The following INSYN2B variants were observed in gnomAD, a reference collection of about 807,000 sequenced individuals.
INSYN2B encodes protein INSYN2B.
A neutral mutation model predicts 41.2 loss-of-function variants in INSYN2B; 16 were observed. The observed-to-expected ratio is 0.39, with a 90% CI of 0.26 to 0.59. The LOEUF (loss-of-function observed/expected upper bound fraction) is 0.59, where lower values mean the gene tolerates loss of function less well. Ranked by LOEUF, INSYN2B falls within the 20% of genes least tolerant of loss-of-function variation. The pLI, the probability that INSYN2B is intolerant of heterozygous loss-of-function variation, is 0.57. For synonymous variants in INSYN2B, 245 were observed against 244.4 expected (o/e 1.00, Z -0.02); for missense variants, 608 against 646.4 (o/e 0.94, Z 0.64).
chr5:169,925,444 G>A (rs1263690232), intron 1 of INSYN2B, among the ~76,000 whole-genome samples: 4 of 152,006 alleles, frequency 2.6e-5, no homozygotes, highest in African/African-American at 9.7e-5. Context: ...ACTGAGCGTG[G>A]TGTTGTGCAC....
chr5:169,889,241 C>T (rs1355449258), intron 1 of INSYN2B, among the ~76,000 whole-genome samples: 1 of 152,232 alleles, frequency 6.6e-6, no homozygotes, highest in Non-Finnish European at 1.5e-5. Context: ...AATTAATTCA[C>T]TTCCAACATT....
intron 3 of INSYN2B, among the ~76,000 whole-genome samples, chr5:169,870,983 G>A (rs973371470): frequency 6.6e-6 from 1 of 152,292 alleles, no homozygotes; most frequent in African/African-American, 2.4e-5. Flanking sequence ...TGGGTGTCTG[G>A]TAAGGGCCCT....
Position 169,883,515 on chromosome 5 carries a change from G to A in INSYN2B, c.384C>T (p.Ser128=). The A allele has an allele frequency of 6.4e-7, 1 of 1,551,640 alleles. No homozygotes were observed. The highest frequency in any genetic ancestry group is 1.7e-4 in the Middle Eastern group (1 of 5,988). The part of the protein sequence containing the change: ...SKSLVEMPTA[S]QSAIQVNGNL... Reference sequence around the variant, plus strand: ...TACCGTTGACCTGGATGGCACTTTGGGAGGCTGTTGGCATTTCCACCAGGG... The same window carrying A: ...TACCGTTGACCTGGATGGCACTTTGAGAGGCTGTTGGCATTTCCACCAGGG... Residue 128 remains serine (S), a synonymous_variant, in exon 2 of 4, where the codon TCC becomes TCT. Coordinates refer to ENST00000377365, the MANE Select transcript of INSYN2B (RefSeq NM_001129891.3).
At chr5:169,931,495 G>A (rs1775751864) in intron 1 of INSYN2B, among the ~76,000 whole-genome samples, 1 of 152,342 alleles carries the variant, frequency 6.6e-6, no homozygotes, top group Non-Finnish European at 1.5e-5. Context: ...AATTAGATGT[G>A]GTTATTTTAT....
At chr5:169,948,194 T>C (rs1036004612) in intron 1 of INSYN2B, among the ~76,000 whole-genome samples, 7 of 152,172 alleles carry the variant, frequency 4.6e-5, no homozygotes, top group African/African-American at 1.7e-4. Context: ...TAGTTATTTG[T>C]CTGCTGTGAC....
chr5:169,922,992 G>A (rs1775255157), intron 1 of INSYN2B, among the ~76,000 whole-genome samples: 1 of 152,096 alleles, frequency 6.6e-6, no homozygotes, highest in Non-Finnish European at 1.5e-5. Flanking sequence ...TCTCTTATCG[G>A]TCCCACAGAC....
intron 1 of INSYN2B, among the ~76,000 whole-genome samples, chr5:169,914,908 C>T (rs1186977784): frequency 6.6e-6 from 1 of 152,246 alleles, no homozygotes; most frequent in Non-Finnish European, 1.5e-5. Flanking sequence ...GTCTGGCTTC[C>T]TGTGCATTGC....
At chr5:169,892,360 C>A (rs1200781790) in intron 1 of INSYN2B, among the ~76,000 whole-genome samples, 1 of 152,268 alleles carries the variant, frequency 6.6e-6, no homozygotes, top group South Asian at 2.1e-4. Context: ...CAGCTTCTAG[C>A]ATGGAGCAGG....
intron 1 of INSYN2B, among the ~76,000 whole-genome samples, chr5:169,888,313 G>A (rs1436049606): frequency 2.0e-5 from 3 of 152,146 alleles, no homozygotes; most frequent in Non-Finnish European, 4.4e-5. Flanking sequence ...GGTGGTTAGG[G>A]CTAAATTAAT....
At chr5:169,963,483 A>C (rs112664055) in intron 1 of INSYN2B, among the ~76,000 whole-genome samples, 4,918 of 152,168 alleles carry the variant, frequency 0.032, 244 homozygotes, top group African/African-American at 0.11. Context: ...CATTGTGGTC[A>C]CTGCTGATAT....
chr5:169,894,272 A>G (rs747880714), intron 1 of INSYN2B, among the ~76,000 whole-genome samples: 1 of 152,216 alleles, frequency 6.6e-6, no homozygotes, highest in Non-Finnish European at 1.5e-5. Flanking sequence ...AAAGGACAGC[A>G]GAAATTTCAT....
chr5:169,953,451 T>C lies in INSYN2B; in HGVS notation c.-919+26826A>G, dbSNP rs1418874820. Among the ~76,000 whole-genome samples the C allele has an allele frequency of 2.6e-5, 4 of 152,136 alleles. 1 individual carries two copies. The South Asian group carries it at 8.3e-4, about 32-fold the overall frequency. ...GTGACTGTGGGCAAATTGTTTCAGA[T>C]CTCTAAACCCGCAATTCCCTTGTTT... On this transcript the variant is annotated intron_variant, in intron 1 of 3. Coordinates refer to ENST00000377365, the MANE Select transcript of INSYN2B (RefSeq NM_001129891.3).
In INSYN2B at chr5:169,861,632, C is replaced by A. The variant is rs13354841; in HGVS notation, c.*2641G>T. 1.3e-5 allele frequency among the ~76,000 whole-genome samples: 2 copies of A among 152,214 alleles called. No individual in the cohort carries two copies. Among genetic ancestry groups the A allele is most frequent in the East Asian group, 1.9e-4 (1 of 5,184 alleles). On this transcript the variant is annotated 3_prime_UTR_variant, in exon 4 of 4. Coordinates refer to ENST00000377365, the MANE Select transcript of INSYN2B (RefSeq NM_001129891.3). ...CTGTAGAATATCATGGTAGATGTTACGTAATATTTTACAAAGAAGCAGTGA... is the reference window on the plus strand; with the variant it reads ...CTGTAGAATATCATGGTAGATGTTAAGTAATATTTTACAAAGAAGCAGTGA...
chr5:169,927,076 A>C (rs1006058120), intron 1 of INSYN2B, among the ~76,000 whole-genome samples: 1 of 152,220 alleles, frequency 6.6e-6, no homozygotes. Context: ...ATTCTTCATA[A>C]ATATGCTACA....
chr5:169,879,068 A>T (rs574752386), intron 3 of INSYN2B, among the ~76,000 whole-genome samples: 1 of 152,330 alleles, frequency 6.6e-6, no homozygotes, highest in South Asian at 2.1e-4. Context: ...TGATAAGAGC[A>T]AGCAGCATAG....
chr5:169,933,603 C>T (rs553314081), intron 1 of INSYN2B, among the ~76,000 whole-genome samples: 1 of 152,306 alleles, frequency 6.6e-6, no homozygotes, highest in South Asian at 2.1e-4. Context: ...CCAGCTCCTT[C>T]CCTTTTCTTC....
intron 3 of INSYN2B, among the ~76,000 whole-genome samples, chr5:169,867,470 C>T (rs1421428273): frequency 2.6e-5 from 4 of 151,730 alleles, no homozygotes; most frequent in African/African-American, 9.7e-5. Context: ...TCTATTGATC[C>T]ATCCATCTAT....
chr5:169,861,790 A>AT lies in INSYN2B; in HGVS notation c.*2482dup, dbSNP rs111527139. Among the ~76,000 whole-genome samples the AT allele has an allele frequency of 3.3e-4, 50 of 152,254 alleles. 1 individual carries two copies. Among genetic ancestry groups the AT allele is most frequent in the African/African-American group, 1.2e-3 (48 of 41,558 alleles). ...TTCCTCATAATGATTTTAAATATCA[A>AT]TTTTTCAGAAGAGAACTCCTTCCCA... On this transcript the variant is annotated 3_prime_UTR_variant, in exon 4 of 4. Coordinates refer to ENST00000377365, the MANE Select transcript of INSYN2B (RefSeq NM_001129891.3).
intron 1 of INSYN2B, among the ~76,000 whole-genome samples, chr5:169,974,931 C>T (rs541102268): frequency 6.6e-6 from 1 of 152,088 alleles, no homozygotes; most frequent in East Asian, 1.9e-4. Flanking sequence ...TGAATGATAA[C>T]CCCTCTCCTG....
Sources: gnomAD v4.1 joint callset for allele counts (sites outside exome capture counted in the v4.1 genomes callset) on GRCh38, gnomAD v4.1.1 for gene constraint, MANE v1.5 for transcripts, NCBI Gene and HGNC (gene_info 2026-07-23, HGNC 2026-07-21) for gene names.